LMX1A: variants seen among roughly 807,000 people sequenced by gnomAD.
LMX1A encodes the protein LIM homeobox transcription factor 1 alpha.
Under a neutral mutation model 49.1 loss-of-function variants are expected in LMX1A, and 15 were observed. The observed-to-expected ratio is 0.31, with a 90% confidence interval of 0.20 to 0.47. The LOEUF is 0.47. LMX1A is among the 20% of genes least tolerant of loss of function. The pLI, the probability that LMX1A is intolerant of heterozygous loss-of-function variation, is 1.00. For missense variants in LMX1A, 372 were observed against 475.8 expected (o/e 0.78, Z 2.03); for synonymous variants, 167 against 185.7 (o/e 0.90, Z 0.82).
chr1:165,340,094 G>A (rs1018235088), intron 3 of LMX1A, among the ~76,000 whole-genome samples: 4 of 151,912 alleles, frequency 2.6e-5, no homozygotes, highest in Non-Finnish European at 5.9e-5. Context: ...TACCCTCTAT[G>A]CCTCTAGCAA....
intron 4 of LMX1A, among the ~76,000 whole-genome samples, chr1:165,243,771 C>G (rs1420856478): frequency 6.6e-6 from 1 of 152,154 alleles, no homozygotes; most frequent in Non-Finnish European, 1.5e-5. Context: ...GACAATTTAC[C>G]CCCAGAATTG....
chr1:165,253,081 G>T (rs1653114335), intron 3 of LMX1A, among the ~76,000 whole-genome samples: 1 of 152,206 alleles, frequency 6.6e-6, no homozygotes, highest in South Asian at 2.1e-4. Context: ...AGTATATACT[G>T]AGTGTCTGTT....
chr1:165,253,715 C>T (rs1653135234), intron 3 of LMX1A, among the ~76,000 whole-genome samples: 1 of 152,160 alleles, frequency 6.6e-6, no homozygotes, highest in Admixed American at 6.5e-5. Context: ...ATATGCTTCT[C>T]CTCTGCCTCT....
chr1:165,207,271 G>A (rs1651126021), intron 7 of LMX1A, among the ~76,000 whole-genome samples: 1 of 152,168 alleles, frequency 6.6e-6, no homozygotes, highest in African/African-American at 2.4e-5. Context: ...CAGGGGCATA[G>A]CGTTTAAGAA....
Position 165,355,621 on chromosome 1 carries a change from C to T in LMX1A, c.-22-40G>A. On this transcript the variant is annotated intron_variant, in intron 1 of 8. Transcript: ENST00000342310. The surrounding 1 kb of genome is among the most constrained non-coding windows in gnomAD (Gnocchi z 4.7). ...AAACGATGCGTCTGACGTCCGTGCC[C>T]GCTGGGACTCGGCGCCAGCAGCCAC... 2 of 1,504,628 alleles carry T rather than the reference C, an allele frequency of 1.3e-6. No individual in the cohort carries two copies. Among genetic ancestry groups the T allele is most frequent in the South Asian group, 1.2e-5 (1 of 85,700 alleles). The allele number at this position is 1,504,628 out of a possible 1,614,324, so 93.2% of individuals were successfully genotyped here. A position where few individuals can be genotyped will look rare whatever the true frequency, so the allele number is the denominator to read the frequency against.
intron 4 of LMX1A, among the ~76,000 whole-genome samples, chr1:165,249,028 T>C (rs781301097): frequency 2.6e-5 from 4 of 152,222 alleles, no homozygotes; most frequent in Non-Finnish European, 5.9e-5. Context: ...CTGGAATGAA[T>C]GGCACAGAGT....
At chr1:165,259,530 AT>A (rs1653361505) in intron 3 of LMX1A, among the ~76,000 whole-genome samples, 1 of 152,216 alleles carries the variant, frequency 6.6e-6, no homozygotes, top group Non-Finnish European at 1.5e-5. Flanking sequence ...GCTGCTGACT[AT>A]TGTGTGGACA....
chr1:165,336,000 G>C (rs1038856331), intron 3 of LMX1A, among the ~76,000 whole-genome samples: 1 of 152,092 alleles, frequency 6.6e-6, no homozygotes, highest in East Asian at 1.9e-4. Flanking sequence ...GGTTGGTATT[G>C]CTAAACATTA....
At chr1:165,312,680 G>A (rs1314707736) in intron 3 of LMX1A, among the ~76,000 whole-genome samples, 1 of 152,208 alleles carries the variant, frequency 6.6e-6, no homozygotes, top group Non-Finnish European at 1.5e-5. Context: ...CGAGCTCCCA[G>A]GCAAGAGCCA....
intron 3 of LMX1A, among the ~76,000 whole-genome samples, chr1:165,319,333 GATTT>G (rs1210092919): frequency 3.9e-5 from 6 of 152,056 alleles, no homozygotes; most frequent in Non-Finnish European, 8.8e-5. Context: ...TACAAGTATA[GATTT>G]ATTAAAGTAT....
At chr1:165,310,687 C>T (rs1655050934) in intron 3 of LMX1A, among the ~76,000 whole-genome samples, 1 of 152,182 alleles carries the variant, frequency 6.6e-6, no homozygotes, top group Non-Finnish European at 1.5e-5. Flanking sequence ...TTGGGCATCG[C>T]TTCATGTTAG....
chr1:165,247,054 C>CTTTTTTTTTCTT (rs1652876638), intron 4 of LMX1A, among the ~76,000 whole-genome samples: 5 of 53,228 alleles, frequency 9.4e-5, no homozygotes, highest in African/African-American at 3.6e-4. Flanking sequence ...TCAGCTTTTT[C>CTTTTTTTTTCTT]TTTTTTTTTT....
chr1:165,251,956 T>G (rs1011985748), intron 3 of LMX1A, among the ~76,000 whole-genome samples: 5 of 152,220 alleles, frequency 3.3e-5, no homozygotes, highest in Non-Finnish European at 7.3e-5. Context: ...TGCAAAATCT[T>G]GGGCAGGTTG....
At chr1:165,281,688 TAA>T (rs1456183320) in intron 3 of LMX1A, among the ~76,000 whole-genome samples, 1 of 152,032 alleles carries the variant, frequency 6.6e-6, no homozygotes, top group Non-Finnish European at 1.5e-5. Flanking sequence ...AACTGTTTGC[TAA>T]AGACTGCCCA....
Position 165,307,896 on chromosome 1 carries a change from C to A in LMX1A, c.263+45180G>T, listed in dbSNP as rs559897153. Among the ~76,000 whole-genome samples, 7 of 152,208 alleles carry A rather than the reference C, an allele frequency of 4.6e-5. No individual in the cohort carries two copies. In the East Asian group the frequency reaches 1.2e-3, roughly 25 times the overall value. ...AACAACAACACATTTTAAATTTTAA[C>A]TTTATTTTTAAAAAGACTGTGTGAA... On this transcript the variant is annotated intron_variant, in intron 3 of 8. Transcript: ENST00000342310.
intron 4 of LMX1A, among the ~76,000 whole-genome samples, chr1:165,233,818 C>T (rs1023539656): frequency 6.6e-6 from 1 of 152,204 alleles, no homozygotes; most frequent in African/African-American, 2.4e-5. Flanking sequence ...GTGTCCACAG[C>T]ACTTAGAATG....
intron 3 of LMX1A, among the ~76,000 whole-genome samples, chr1:165,255,851 T>C (rs1653216764): frequency 6.6e-6 from 1 of 151,968 alleles, no homozygotes; most frequent in South Asian, 2.1e-4. Flanking sequence ...TGCATGTCTG[T>C]AATCTCAGCT....
intron 3 of LMX1A, among the ~76,000 whole-genome samples, chr1:165,278,163 G>T (rs1392446004): frequency 6.6e-6 from 1 of 152,156 alleles, no homozygotes; most frequent in Non-Finnish European, 1.5e-5. Context: ...TCAAACTCAG[G>T]CCACTTGACT....
At chr1:165,233,614 C>T (rs962879239) in intron 4 of LMX1A, among the ~76,000 whole-genome samples, 5 of 152,216 alleles carry the variant, frequency 3.3e-5, no homozygotes, top group African/African-American at 1.2e-4. Context: ...ACTCAGCATG[C>T]CCCACCCGAA....
Sources: gnomAD v4.1 joint callset for allele counts (sites outside exome capture counted in the v4.1 genomes callset) on GRCh38, gnomAD v4.1.1 for gene constraint, Gnocchi (gnomAD v3.1) non-coding constraint, MANE v1.5 for transcripts, NCBI Gene and HGNC (gene_info 2026-07-23, HGNC 2026-07-21) for gene names.